Variants in HABP4 observed in about 807,000 individuals in gnomAD.
HABP4 encodes hyaluronan binding protein 4.
In HABP4, 32 loss-of-function variants were observed where a neutral mutation model predicts 44.1. The observed-to-expected ratio is 0.73, with a 90% CI of 0.55 to 0.97. The LOEUF is 0.97. HABP4 is among the 50% of genes least tolerant of loss of function. HABP4 has a pLI of 0.00. For synonymous variants in HABP4, 216 were observed against 218.0 expected (o/e 0.99, Z 0.08); for missense variants, 503 against 561.9 (o/e 0.90, Z 1.06).
rs148678502 is a variant in HABP4 at position 96,465,404 on chromosome 9, G to A, written c.580G>A (p.Gly194Ser). The change falls in exon 3 of 8, where the codon GGC (glycine) becomes AGC (serine). Residue 194 changes from glycine to serine, a missense_variant. Gly to Ser is a moderately conservative substitution (Grantham distance 56). Coordinates refer to ENST00000375249, the MANE Select transcript of HABP4 (RefSeq NM_014282.4). ...GRGGPRGGMR[G>S]RGRGGPGNRV... ...TGGAGGCCCGAGAGGGGGTATGCGC[G>A]GCAGAGGCAGAGGTGGCCCTGGGAA... The A allele has an allele frequency of 9.1e-5, 147 of 1,608,432 alleles. No individual in the cohort carries two copies. The highest frequency in any genetic ancestry group is 1.2e-4 in the Non-Finnish European group (137 of 1,174,946).
chr9:96,485,392 C>G (rs1404708387), intron 6 of HABP4, among the ~76,000 whole-genome samples: 1 of 152,222 alleles, frequency 6.6e-6, no homozygotes, highest in Admixed American at 6.5e-5. Context: ...AGGTTCCATG[C>G]ACTTCTGACG....
intron 1 of HABP4, among the ~76,000 whole-genome samples, chr9:96,454,397 T>G (rs1309303869): frequency 6.6e-6 from 1 of 152,194 alleles, no homozygotes; most frequent in Non-Finnish European, 1.5e-5. Context: ...ATTAACTTTC[T>G]TAGTGGCTTT....
chr9:96,488,004 G>A lies in HABP4; in HGVS notation c.1000-85G>A. On this transcript the variant is annotated intron_variant, in intron 6 of 7. Coordinates refer to ENST00000375249, the MANE Select transcript of HABP4 (RefSeq NM_014282.4). This position sits in a 1 kb window ranked among gnomAD's most constrained non-coding sequence, Gnocchi z 4.6. The stretch of plus-strand genomic sequence containing the variant: ...AGCCCCTGATGGTGTTTTAGCTCCT[G>A]TGTAGCACACTGCAGCCACTAAGCC... 4 of 934,292 alleles carry A rather than the reference G, an allele frequency of 4.3e-6. No individual in the cohort carries two copies. Among genetic ancestry groups the A allele is most frequent in the Non-Finnish European group, 6.9e-6 (4 of 575,578 alleles). The allele number at this position is 934,292 out of a possible 1,614,324, so 57.9% of individuals were successfully genotyped here.
chr9:96,490,632 G>C lies in HABP4; in HGVS notation c.*594G>C, dbSNP rs1166978613. 1 of 152,262 alleles carries C rather than the reference G, an allele frequency of 6.6e-6. No homozygotes were observed. Among genetic ancestry groups the C allele is most frequent in the Non-Finnish European group, 1.5e-5 (1 of 68,094 alleles). 9.4% of individuals were successfully genotyped at this position (152,262 alleles called of 1,614,324 possible). ...ACTCTGTGACACAGAATCAGAGAAA[G>C]CGTTGATTTTTAATGGTGATTTAAA... On this transcript the variant is annotated 3_prime_UTR_variant, in exon 8 of 8. Coordinates refer to ENST00000375249, the MANE Select transcript of HABP4 (RefSeq NM_014282.4).
chr9:96,451,839 A>G (rs1832284154), intron 1 of HABP4, among the ~76,000 whole-genome samples: 1 of 152,222 alleles, frequency 6.6e-6, no homozygotes, highest in Admixed American at 6.5e-5. Context: ...TGTGCATTTT[A>G]TATCCTGTTT....
chr9:96,468,189 C>T (rs752765199), intron 4 of HABP4, among the ~76,000 whole-genome samples: 1 of 151,868 alleles, frequency 6.6e-6, no homozygotes, highest in South Asian at 2.1e-4. Flanking sequence ...CTCAGTTGAT[C>T]CTTCCACCTC....
At chr9:96,452,763 G>A (rs1832307888) in intron 1 of HABP4, among the ~76,000 whole-genome samples, 8 of 152,006 alleles carry the variant, frequency 5.3e-5, no homozygotes, top group Admixed American at 5.2e-4. Flanking sequence ...AAGAAGCACT[G>A]TACTTTTCTA....
intron 5 of HABP4, among the ~76,000 whole-genome samples, chr9:96,475,861 T>C (rs1307551477): frequency 6.6e-6 from 1 of 152,230 alleles, no homozygotes; most frequent in African/African-American, 2.4e-5. Flanking sequence ...GTAATCGGTT[T>C]CCTAGTGTAT....
intron 1 of HABP4, among the ~76,000 whole-genome samples, chr9:96,454,873 G>A (rs1029924385): frequency 1.3e-5 from 2 of 152,196 alleles, no homozygotes; most frequent in African/African-American, 4.8e-5. Flanking sequence ...TCCCAGCACT[G>A]GGAGGCTAGG....
At chr9:96,482,810 G>A (rs1163322975) in intron 5 of HABP4, among the ~76,000 whole-genome samples, 2 of 151,908 alleles carry the variant, frequency 1.3e-5, no homozygotes, top group East Asian at 1.9e-4. Context: ...TGTTCATGTC[G>A]TAATGTGTAT....
At position 96,458,556 on chromosome 9, in the gene HABP4, C is replaced by A; in HGVS notation, c.512+15C>A. The A allele has an allele frequency of 6.3e-7, 1 of 1,586,134 alleles. No homozygotes were observed. Among genetic ancestry groups the A allele is most frequent in the Non-Finnish European group, 8.7e-7 (1 of 1,155,512 alleles). On this transcript the variant is annotated intron_variant, in intron 2 of 7. Coordinates refer to ENST00000375249, the MANE Select transcript of HABP4 (RefSeq NM_014282.4). ...CCAGATGAAAAGTATGTGCTGCAGT[C>A]CTCAGCAGGGCGGGTGGGGAACCAG...
At chr9:96,455,407 G>C (rs2131112982) in intron 1 of HABP4, among the ~76,000 whole-genome samples, 1 of 147,756 alleles carries the variant, frequency 6.8e-6, no homozygotes, top group Admixed American at 6.8e-5. Flanking sequence ...AGCTGAGATT[G>C]TGCCACTGCA....
chr9:96,465,403 C>A lies in HABP4; in HGVS notation c.579C>A (p.Arg193=). ...RGRGGPRGGM[R]GRGRGGPGNR... ...GTGGAGGCCCGAGAGGGGGTATGCG[C>A]GGCAGAGGCAGAGGTGGCCCTGGGA... is the stretch of plus-strand genomic sequence containing the variant. Residue 193 remains arginine (R), a synonymous_variant, in exon 3 of 8, where the codon CGC becomes CGA. Transcript: ENST00000375249. The A allele has an allele frequency of 6.2e-7, 1 of 1,608,806 alleles. No individual in the cohort carries two copies. Among genetic ancestry groups the A allele is most frequent in the Non-Finnish European group, 8.5e-7 (1 of 1,175,238 alleles).
At chr9:96,466,231 A>G (rs1832599320) in intron 4 of HABP4, among the ~76,000 whole-genome samples, 2 of 152,166 alleles carry the variant, frequency 1.3e-5, no homozygotes, top group South Asian at 4.1e-4. Flanking sequence ...CTAGCAGAGC[A>G]TGGTGGCAGG....
At chr9:96,475,390 C>CAAAAAAAAAAAAAAAA (rs61553823) in intron 5 of HABP4, among the ~76,000 whole-genome samples, 13 of 94,132 alleles carry the variant, frequency 1.4e-4, no homozygotes, top group African/African-American at 2.8e-4. Context: ...ACAACAACAA[C>CAAAAAAAAAAAAAAAA]AAAAAAAAAA....
chr9:96,488,333 C>T lies in HABP4; in HGVS notation c.1185+59C>T. On this transcript the variant is annotated intron_variant, in intron 7 of 7. Transcript: ENST00000375249. The surrounding 1 kb of genome is among the most constrained non-coding windows in gnomAD (Gnocchi z 4.6). The stretch of plus-strand genomic sequence containing the variant: ...GTTAATAAGGACAGTGCCCTGGGCC[C>T]AGGATGGTCTAATTTCAGAGGGTCA... 2.5e-6 allele frequency: 3 copies of T among 1,179,504 alleles called. No individual in the cohort carries two copies. Among genetic ancestry groups the T allele is most frequent in the South Asian group, 2.8e-5 (2 of 70,836 alleles). The allele number at this position is 1,179,504 out of a possible 1,614,324, so 73.1% of individuals were successfully genotyped here. A position where few individuals can be genotyped will look rare whatever the true frequency, so the allele number is the denominator to read the frequency against.
At chr9:96,473,502 C>T (rs541598189) in intron 5 of HABP4, among the ~76,000 whole-genome samples, 1 of 152,286 alleles carries the variant, frequency 6.6e-6, no homozygotes, top group South Asian at 2.1e-4. Flanking sequence ...CACAGGGCTC[C>T]CTGCATCCTC....
At chr9:96,451,894 A>G (rs1832285127) in intron 1 of HABP4, among the ~76,000 whole-genome samples, 1 of 152,080 alleles carries the variant, frequency 6.6e-6, no homozygotes, top group Non-Finnish European at 1.5e-5. Flanking sequence ...ATAATAAAGG[A>G]ATTGAGGAAG....
At chr9:96,452,544 C>T (rs974103235) in intron 1 of HABP4, among the ~76,000 whole-genome samples, 1 of 151,846 alleles carries the variant, frequency 6.6e-6, no homozygotes, top group Non-Finnish European at 1.5e-5. Flanking sequence ...GTTGTTAGGT[C>T]TAAGTGATCT....
Sources: gnomAD v4.1 joint callset for allele counts (sites outside exome capture counted in the v4.1 genomes callset) on GRCh38, gnomAD v4.1.1 for gene constraint, Gnocchi (gnomAD v3.1) non-coding constraint, MANE v1.5 for transcripts, NCBI Gene and HGNC (gene_info 2026-07-23, HGNC 2026-07-21) for gene names.